NUBP1: variants seen among roughly 807,000 people sequenced by gnomAD.
NUBP1 encodes NUBP iron-sulfur cluster assembly factor 1, cytosolic, also known as cytosolic Fe-S cluster assembly factor NUBP1.
In NUBP1, 46 loss-of-function variants were observed where a neutral mutation model predicts 41.8. That is an observed-to-expected ratio of 1.10 (90% confidence interval 0.87 to 1.41). The LOEUF (loss-of-function observed/expected upper bound fraction) is 1.41, where lower values mean the gene tolerates loss of function less well. Among genes scored for constraint, NUBP1 ranks in the 40% most tolerant of loss-of-function variants. The pLI, the probability that NUBP1 is intolerant of heterozygous loss-of-function variation, is 0.00. For synonymous variants in NUBP1, 189 were observed against 154.6 expected, an observed-to-expected ratio of 1.22 and a Z score of -1.65; for missense variants, 494 against 414.0, an observed-to-expected ratio of 1.19 and a Z score of -1.68.
chr16:10,766,571 G>A lies in NUBP1; in HGVS notation c.821-1378G>A, dbSNP rs369481382. On this transcript the variant is annotated intron_variant, in intron 9 of 10. Transcript: ENST00000283027. The surrounding 1 kb of genome is among the most constrained non-coding windows in gnomAD (Gnocchi z 4.8). ...CTGGCCCAGCGAACGTGCACTCAGGGGCCTCCCTAGCGAGTTCCACATGGT... is the reference window on the plus strand; with the variant it reads ...CTGGCCCAGCGAACGTGCACTCAGGAGCCTCCCTAGCGAGTTCCACATGGT... 1.1e-4 allele frequency: 18 copies of A among 167,022 alleles called. No individual in the cohort carries two copies. The highest frequency in any genetic ancestry group is 4.3e-4 in the African/African-American group (18 of 42,092). 10.3% of individuals were successfully genotyped at this position (167,022 alleles called of 1,614,324 possible). A position where few individuals can be genotyped will look rare whatever the true frequency, so the allele number is the denominator to read the frequency against.
At chr16:10,762,075 G>T in intron 9 of NUBP1, 3 of 498,014 alleles carry the variant, frequency 6.0e-6, no homozygotes, top group Non-Finnish European at 1.1e-5. Flanking sequence ...GCAGGCCTCA[G>T]GCAGAGGGGT....
At position 10,743,983 on chromosome 16, in the gene NUBP1, C is replaced by T. The variant is rs1432021962; in HGVS notation, c.42C>T (p.Ala14=). ...VPHDCPGADS[A]QAGRGASCQG... is the part of the protein sequence containing the mutation. ...CAGACTGTCCAGGGGCCGACAGCGCCCAGGCGGGCAGAGGGGCTTCATGTC... is the reference window on the plus strand; with the variant it reads ...CAGACTGTCCAGGGGCCGACAGCGCTCAGGCGGGCAGAGGGGCTTCATGTC... The change falls in exon 2 of 11, where the codon GCC becomes GCT. Residue 14 remains alanine (A), a synonymous_variant. Transcript: ENST00000283027. 6.3e-7 allele frequency: 1 copy of T among 1,581,334 alleles called. No homozygotes were observed. The highest frequency in any genetic ancestry group is 1.4e-5 in the African/African-American group (1 of 72,812).
chr16:10,761,446 T>C lies in NUBP1; in HGVS notation c.689T>C (p.Met230Thr). The change falls in exon 8 of 11, where the codon ATG becomes ACG. Residue 230 changes from methionine (M) to threonine (T), a missense_variant. Physicochemically the swap from Met to Thr is moderately conservative, Grantham distance 81. Coordinates refer to ENST00000283027, the MANE Select transcript of NUBP1 (RefSeq NM_002484.4). ...KLPIIGVVEN[M>T]SGFICPKCKK... ...CCCATCATCGGGGTGGTGGAGAACA[T>C]GAGTGGCTTCATCTGTCCTAAGTGC... The C allele has an allele frequency of 6.2e-7, 1 of 1,614,066 alleles. No individual in the cohort carries two copies. Among genetic ancestry groups the C allele is most frequent in the Non-Finnish European group, 8.5e-7 (1 of 1,179,968 alleles).
At chr16:10,762,274 A>T (rs1396079034) in intron 9 of NUBP1, among the ~76,000 whole-genome samples, 1 of 152,064 alleles carries the variant, frequency 6.6e-6, no homozygotes, top group African/African-American at 2.4e-5. Flanking sequence ...CACGGCACAG[A>T]TGAGGCCCCT....
At position 10,769,263 on chromosome 16, in the gene NUBP1, TTGAG is replaced by T. The variant is rs2031352326; in HGVS notation, c.*160_*163del. ...CACTTTCTCAGAGACACTTTAATCA[TTGAG>T]TATTTGTACACTTTTCTTTAGAACA... On this transcript the variant is annotated 3_prime_UTR_variant, in exon 11 of 11. Transcript: ENST00000283027. 3 of 616,718 alleles carry T rather than the reference TTGAG, an allele frequency of 4.9e-6. No individual in the cohort carries two copies. Among genetic ancestry groups the T allele is most frequent in the African/African-American group, 3.7e-5 (2 of 53,756 alleles). The allele number at this position is 616,718 out of a possible 1,614,324, so 38.2% of individuals were successfully genotyped here. A position where few individuals can be genotyped will look rare whatever the true frequency, so the allele number is the denominator to read the frequency against.
At chr16:10,753,262 A>G (rs1596453953) in intron 4 of NUBP1, among the ~76,000 whole-genome samples, 1 of 152,184 alleles carries the variant, frequency 6.6e-6, no homozygotes, top group Admixed American at 6.5e-5. Context: ...GGGAAGGGAA[A>G]CAGCCAGTGA....
Position 10,756,736 on chromosome 16 carries a change from G to A in NUBP1, c.407G>A (p.Ser136Asn). 1 of 1,583,484 alleles carries A rather than the reference G, an allele frequency of 6.3e-7. No homozygotes were observed. Among genetic ancestry groups the A allele is most frequent in the Non-Finnish European group, 8.6e-7 (1 of 1,168,410 alleles). The stretch of plus-strand genomic sequence containing the variant: ...GTGATGTCAGTGGGCTTCCTGCTCA[G>A]CAGTCCTGATGATGCTGTTATCTGG... ...LGVMSVGFLL[S>N]SPDDAVIWRG... Residue 136 changes from serine (S) to asparagine (N), a missense_variant, in exon 6 of 11, where the codon AGC becomes AAC. Coordinates refer to ENST00000283027, the MANE Select transcript of NUBP1 (RefSeq NM_002484.4).
At chr16:10,753,846 CA>C (rs1900433284) in intron 4 of NUBP1, among the ~76,000 whole-genome samples, 1 of 152,110 alleles carries the variant, frequency 6.6e-6, no homozygotes, top group African/African-American at 2.4e-5. Flanking sequence ...GCCGCTGACA[CA>C]AGGTGTCCTT....
chr16:10,747,139 G>A lies in NUBP1; in HGVS notation c.125-4G>A. The A allele has an allele frequency of 6.2e-7, 1 of 1,613,730 alleles. No homozygotes were observed. The highest frequency in any genetic ancestry group is 8.5e-7 in the Non-Finnish European group (1 of 1,179,758). On this transcript the variant is annotated splice_region_variant and splice_polypyrimidine_tract_variant and intron_variant, in intron 2 of 10. Transcript: ENST00000283027. ...CATCCCCTGAACTTTGGTTTTCTTT[G>A]CAGCTATAGAGGAAATCAAAGAGAA...
intron 5 of NUBP1, 133 bp from the exon 6 acceptor site, chr16:10,756,557 C>A: frequency 1.9e-6 from 1 of 539,354 alleles, no homozygotes; most frequent in Non-Finnish European, 3.2e-6. Context: ...AGTGAATATG[C>A]TCATAGGTCA....
rs537049540 is a variant in NUBP1 at position 10,757,391 on chromosome 16, T to C, written c.452-482T>C. On this transcript the variant is annotated intron_variant, in intron 6 of 10. Transcript: ENST00000283027. The surrounding 1 kb of genome is among the most constrained non-coding windows in gnomAD (Gnocchi z 4.1). ...GATCAACAGGAGGTTGATCTGGTAC[T>C]GAGACTTAAGGTAATAATGTGAAAG... Among the ~76,000 whole-genome samples, 14 of 152,328 alleles carry C rather than the reference T, an allele frequency of 9.2e-5. No individual in the cohort carries two copies. The highest frequency in any genetic ancestry group is 1.3e-4 in the Non-Finnish European group (9 of 68,028).
chr16:10,744,762 T>A (rs1084562), intron 2 of NUBP1, among the ~76,000 whole-genome samples: 1 of 151,296 alleles, frequency 6.6e-6, no homozygotes, highest in Non-Finnish European at 1.5e-5. Flanking sequence ...TTCTTTTTTT[T>A]CCCCCTTTTT....
At position 10,766,672 on chromosome 16, in the gene NUBP1, A is replaced by C. The variant is rs941384142; in HGVS notation, c.821-1277A>C. The C allele has an allele frequency of 6.3e-6, 2 of 317,620 alleles. No individual in the cohort carries two copies. The allele number at this position is 317,620 out of a possible 1,614,324, so 19.7% of individuals were successfully genotyped here. ...GAACAAAAAATTGGACAAAACGCAC[A>C]AAGAAAGGAAGGAAGGAAGGGATTT... On this transcript the variant is annotated intron_variant, in intron 9 of 10. Transcript: ENST00000283027. The surrounding 1 kb of genome is among the most constrained non-coding windows in gnomAD (Gnocchi z 4.8).
rs554770590 is a variant in NUBP1, at chr16:10,768,758, G to C, written c.905-289G>C. On this transcript the variant is annotated intron_variant, in intron 10 of 10. Transcript: ENST00000283027. The surrounding 1 kb of genome is among the most constrained non-coding windows in gnomAD (Gnocchi z 4.3). ...CTGTGGTCTCTGAGTTTGTGGCTGGGTTTTACTTGCCTAGAAGAATGATGT... is the reference window on the plus strand; with the variant it reads ...CTGTGGTCTCTGAGTTTGTGGCTGGCTTTTACTTGCCTAGAAGAATGATGT... 27 of 334,522 alleles carry C rather than the reference G, an allele frequency of 8.1e-5. No individual in the cohort carries two copies. The Middle Eastern group carries it at 3.2e-3, about 40-fold the overall frequency. The allele number at this position is 334,522 out of a possible 1,614,324, so 20.7% of individuals were successfully genotyped here.
rs1474304642 is a variant in NUBP1 at position 10,767,710 on chromosome 16, TG to T, written c.821-237del. 72 of 565,414 alleles carry T rather than the reference TG, an allele frequency of 1.3e-4. No homozygotes were observed. Among genetic ancestry groups the T allele is most frequent in the Admixed American group, 2.8e-4 (9 of 32,248 alleles). 35.0% of individuals were successfully genotyped at this position (565,414 alleles called of 1,614,324 possible). On this transcript the variant is annotated intron_variant, in intron 9 of 10. Coordinates refer to ENST00000283027, the MANE Select transcript of NUBP1 (RefSeq NM_002484.4). The surrounding 1 kb of genome is among the most constrained non-coding windows in gnomAD (Gnocchi z 4.6). ...GCTGAATCAGTTCTCTGTAGGGCCC[TG>T]GAACCTGCATTTTCTGTACACCACC...
chr16:10,761,652 T>G (rs1179900603), intron 8 of NUBP1, 105 bp from the exon 9 acceptor site: 1 of 1,076,882 alleles, frequency 9.3e-7, no homozygotes, highest in African/African-American at 1.6e-5. Context: ...GGGTTCCACA[T>G]TCAAACTAAG....
At chr16:10,752,809 T>G in intron 4 of NUBP1, 131 bp downstream of exon 4, 7 of 794,234 alleles carry the variant, frequency 8.8e-6, no homozygotes, top group Non-Finnish European at 1.4e-5. Flanking sequence ...GTTTTGTTGT[T>G]TTTGAGACAA....
At chr16:10,764,063 AG>A (rs1255627867) in intron 9 of NUBP1, among the ~76,000 whole-genome samples, 1 of 151,540 alleles carries the variant, frequency 6.6e-6, no homozygotes. Context: ...GGAGCATCTC[AG>A]CCCACTGGAG....
intron 9 of NUBP1, among the ~76,000 whole-genome samples, chr16:10,764,532 AT>A (rs1203013892): frequency 7.2e-6 from 1 of 137,978 alleles, no homozygotes; most frequent in Non-Finnish European, 1.5e-5. Flanking sequence ...GGAGCATCTC[AT>A]TCTGCTGGAG....
Sources: gnomAD v4.1 joint callset for allele counts (sites outside exome capture counted in the v4.1 genomes callset) on GRCh38, gnomAD v4.1.1 for gene constraint, Gnocchi (gnomAD v3.1) non-coding constraint, MANE v1.5 for transcripts, NCBI Gene and HGNC (gene_info 2026-07-23, HGNC 2026-07-21) for gene names.